The following NRXN1 variants were observed in gnomAD, a reference collection of about 807,000 sequenced individuals.
NRXN1 encodes the protein neurexin-1.
In NRXN1, 39 loss-of-function variants were observed where a neutral mutation model predicts 150.9. That is an observed-to-expected ratio of 0.26 (90% CI 0.20 to 0.34). The LOEUF is 0.34. Ranked by LOEUF, NRXN1 falls within the 10% of genes least tolerant of loss-of-function variation. The pLI is 1.00. For missense variants in NRXN1, 1,815 were observed against 1,949.9 expected, an observed-to-expected ratio of 0.93 and a Z score of 1.30; for synonymous variants, 924 against 757.0, an observed-to-expected ratio of 1.22 and a Z score of -3.62.
At chr2:50,623,673 G>C (rs541733372) in intron 5 of NRXN1, 58 bp from the exon 6 acceptor site, 2 of 1,254,468 alleles carry the variant, frequency 1.6e-6, no homozygotes, top group Non-Finnish European at 2.2e-6. Context: ...CAAATCAGCA[G>C]GTCTTAACAG....
intron 2 of NRXN1, among the ~76,000 whole-genome samples, chr2:50,986,204 G>T (rs1697675941): frequency 6.6e-6 from 1 of 151,608 alleles, no homozygotes; most frequent in South Asian, 2.1e-4. Flanking sequence ...ATTAAGTCGT[G>T]GTGAGGAGAA....
chr2:49,951,701 A>G (rs754140718), intron 21 of NRXN1, among the ~76,000 whole-genome samples: 15 of 152,074 alleles, frequency 9.9e-5, no homozygotes, highest in Non-Finnish European at 2.1e-4. Flanking sequence ...TATCAGTATG[A>G]ATATCTAGTC....
At chr2:50,454,699 C>CACAA (rs1420773995) in intron 17 of NRXN1, among the ~76,000 whole-genome samples, 1 of 150,144 alleles carries the variant, frequency 6.7e-6, no homozygotes, top group Admixed American at 6.6e-5. Flanking sequence ...CACACACACA[C>CACAA]ACACAGTTAA....
intron 17 of NRXN1, among the ~76,000 whole-genome samples, chr2:50,371,652 T>A (rs1390468525): frequency 2.6e-5 from 4 of 151,974 alleles, no homozygotes; most frequent in Non-Finnish European, 5.9e-5. Context: ...TTATGCAAAT[T>A]GTGTGTGCAC....
At chr2:50,311,437 T>C (rs1464426789) in intron 17 of NRXN1, among the ~76,000 whole-genome samples, 2 of 152,112 alleles carry the variant, frequency 1.3e-5, no homozygotes, top group Non-Finnish European at 2.9e-5. Flanking sequence ...CAAGTTTTAG[T>C]TATCTAAGGT....
chr2:50,032,836 A>T (rs1416168153), intron 21 of NRXN1, among the ~76,000 whole-genome samples: 1 of 151,874 alleles, frequency 6.6e-6, no homozygotes, highest in Admixed American at 6.6e-5. Flanking sequence ...GAATGGATGG[A>T]CACTTTAATA....
At chr2:50,655,580 G>C (rs559910503) in intron 5 of NRXN1, among the ~76,000 whole-genome samples, 9 of 151,986 alleles carry the variant, frequency 5.9e-5, no homozygotes, top group Middle Eastern at 3.4e-3. Context: ...CTTAGTTTAA[G>C]AGCTACATCT....
chr2:50,155,707 C>T (rs979288159), intron 18 of NRXN1, among the ~76,000 whole-genome samples: 2 of 151,452 alleles, frequency 1.3e-5, no homozygotes, highest in African/African-American at 4.8e-5. Context: ...ATGTTAGCCA[C>T]CTTTTTCCTT....
At chr2:50,136,813 T>C (rs1001465558) in intron 18 of NRXN1, among the ~76,000 whole-genome samples, 4 of 152,210 alleles carry the variant, frequency 2.6e-5, no homozygotes, top group African/African-American at 9.6e-5. Context: ...TCCCAATTAA[T>C]AAGATGAGAA....
intron 21 of NRXN1, among the ~76,000 whole-genome samples, chr2:49,948,891 G>A (rs1428975205): frequency 6.6e-6 from 1 of 151,898 alleles, no homozygotes; most frequent in African/African-American, 2.4e-5. Context: ...CCATTTAGAT[G>A]AGTGTCTCTA....
At chr2:50,952,535 T>C (rs888266361) in intron 2 of NRXN1, among the ~76,000 whole-genome samples, 6 of 152,122 alleles carry the variant, frequency 3.9e-5, no homozygotes. Context: ...GGCACAGCTG[T>C]AGGTGTTGGA....
intron 19 of NRXN1, among the ~76,000 whole-genome samples, chr2:50,064,149 T>C (rs1419356783): frequency 6.6e-6 from 1 of 151,972 alleles, no homozygotes; most frequent in Non-Finnish European, 1.5e-5. Flanking sequence ...TATGTGTGCA[T>C]GTCTATTTAG....
In NRXN1 at chr2:50,213,383, G is replaced by C. The variant is rs959156871; in HGVS notation, c.3546+23406C>G. 2.6e-5 allele frequency among the ~76,000 whole-genome samples: 4 copies of C among 151,800 alleles called. No individual in the cohort carries two copies. In the East Asian group the frequency reaches 5.8e-4, roughly 22 times the overall value. ...CTATGTGACTAAGGATATAAGAAAAGACAGGAAAGAAAAAATTGGGATGAA... is the reference window on the plus strand; with the variant it reads ...CTATGTGACTAAGGATATAAGAAAACACAGGAAAGAAAAAATTGGGATGAA... On this transcript the variant is annotated intron_variant, in intron 18 of 22. Coordinates refer to ENST00000401669, the MANE Select transcript of NRXN1 (RefSeq NM_001330078.2).
intron 17 of NRXN1, among the ~76,000 whole-genome samples, chr2:50,451,466 T>G (rs1364997031): frequency 6.6e-6 from 1 of 152,184 alleles, no homozygotes; most frequent in Non-Finnish European, 1.5e-5. Flanking sequence ...TTCATTAGGT[T>G]GTTAGTCACA....
At chr2:50,781,776 T>C (rs1297103120) in intron 5 of NRXN1, among the ~76,000 whole-genome samples, 1 of 152,232 alleles carries the variant, frequency 6.6e-6, no homozygotes, top group Non-Finnish European at 1.5e-5. Flanking sequence ...ATTCAGCATA[T>C]TAGTTAATAG....
At chr2:50,634,605 T>A (rs1487332480) in intron 5 of NRXN1, among the ~76,000 whole-genome samples, 1 of 152,204 alleles carries the variant, frequency 6.6e-6, no homozygotes, top group East Asian at 1.9e-4. Context: ...TCTCTTAATA[T>A]CTTGGGCAGA....
At chr2:50,212,175 G>C (rs1335698608) in intron 18 of NRXN1, among the ~76,000 whole-genome samples, 1 of 151,460 alleles carries the variant, frequency 6.6e-6, no homozygotes, top group African/African-American at 2.4e-5. Flanking sequence ...CAAAGTTTGT[G>C]AGTCATCTTT....
At chr2:50,598,676 G>GTATA (rs1284711735) in intron 8 of NRXN1, among the ~76,000 whole-genome samples, 1 of 145,810 alleles carries the variant, frequency 6.9e-6, no homozygotes, top group South Asian at 2.1e-4. Flanking sequence ...TCATATATAT[G>GTATA]TGTATGTATA....
chr2:50,866,658 C>T (rs1676981222), intron 5 of NRXN1, among the ~76,000 whole-genome samples: 1 of 151,832 alleles, frequency 6.6e-6, no homozygotes, highest in African/African-American at 2.4e-5. Flanking sequence ...CAGTGCTGGT[C>T]TGTACTGACA....
Sources: allele counts gnomAD v4.1 joint callset (sites outside exome capture counted in the v4.1 genomes callset), GRCh38; gene constraint gnomAD v4.1.1; transcripts MANE v1.5; gene names NCBI Gene and HGNC (gene_info 2026-07-23, HGNC 2026-07-21).